Variants in LRRK2 observed in about 807,000 individuals in gnomAD.
The protein encoded by LRRK2 is leucine-rich repeat serine/threonine-protein kinase 2.
LRRK2 carries 203 observed loss-of-function variants against 302.6 expected under a neutral mutation model. The observed-to-expected ratio is 0.67, with a 90% CI of 0.60 to 0.75. The LOEUF is 0.75. LRRK2 is among the 30% of genes least tolerant of loss of function. The pLI is 0.00. For missense variants in LRRK2, 2,830 were observed against 2,951.0 expected, an observed-to-expected ratio of 0.96 and a Z score of 0.95; for synonymous variants, 1,066 against 1,031.9, an observed-to-expected ratio of 1.03 and a Z score of -0.63.
intron 14 of LRRK2, among the ~76,000 whole-genome samples, chr12:40,266,670 A>G (rs1333886867): frequency 2.0e-5 from 3 of 152,200 alleles, no homozygotes; most frequent in Non-Finnish European, 4.4e-5. Flanking sequence ...CCAAAGGATT[A>G]TAAATCATGC....
chr12:40,349,618 C>T (rs1429099371), intron 43 of LRRK2, among the ~76,000 whole-genome samples: 1 of 152,120 alleles, frequency 6.6e-6, no homozygotes, highest in Non-Finnish European at 1.5e-5. Flanking sequence ...ACCTCCTGGG[C>T]TCAAGTGATC....
intron 31 of LRRK2, 86 bp downstream of exon 31, chr12:40,310,735 A>C: frequency 2.9e-6 from 4 of 1,369,054 alleles, no homozygotes; most frequent in Non-Finnish European, 4.2e-6. Flanking sequence ...TGAGCAACTC[A>C]CTTAAAATTG....
chr12:40,235,650 T>A lies in LRRK2; in HGVS notation c.372T>A (p.Val124=). Residue 124 remains valine (V), a synonymous_variant, in exon 4 of 51, where the codon GTT becomes GTA. Transcript: ENST00000298910. ...VHQLILKMLT[V]HNASVNLSVI... ...GATTGATTCTTAAAATGCTAACAGTTCATAATGCCAGTGTAAACTTGTCAG... is the reference window on the plus strand; with the variant it reads ...GATTGATTCTTAAAATGCTAACAGTACATAATGCCAGTGTAAACTTGTCAG... 6.2e-7 allele frequency: 1 copy of A among 1,608,084 alleles called. No individual in the cohort carries two copies. The highest frequency in any genetic ancestry group is 8.5e-7 in the Non-Finnish European group (1 of 1,174,534).
In LRRK2 at chr12:40,270,861, A is replaced by G. The variant is rs568879416; in HGVS notation, c.1657-3722A>G. Among the ~76,000 whole-genome samples, 16 of 152,226 alleles carry G rather than the reference A, an allele frequency of 1.1e-4. 1 individual carries two copies. The highest frequency in any genetic ancestry group is 8.5e-4 in the Admixed American group (13 of 15,270). On this transcript the variant is annotated intron_variant, in intron 14 of 50. Transcript: ENST00000298910. ...AAAGATAGGTGCTTTATAAATACCAATTTGATATAATTTTGGCATGAAAAA... is the reference window on the plus strand; with the variant it reads ...AAAGATAGGTGCTTTATAAATACCAGTTTGATATAATTTTGGCATGAAAAA...
At chr12:40,240,848 T>A (rs1941689376) in intron 6 of LRRK2, among the ~76,000 whole-genome samples, 1 of 152,184 alleles carries the variant, frequency 6.6e-6, no homozygotes, top group Non-Finnish European at 1.5e-5. Flanking sequence ...CCTTACCTTT[T>A]CAGAGCTTGT....
intron 43 of LRRK2, among the ~76,000 whole-genome samples, chr12:40,350,343 C>A (rs7314455): frequency 0.77 from 116,879 of 152,172 alleles, 45,742 homozygotes; most frequent in Non-Finnish European, 0.86. Flanking sequence ...TTTAGGGGTC[C>A]ACTGACCTCT....
At chr12:40,309,987 T>C (rs1944981708) in intron 30 of LRRK2, among the ~76,000 whole-genome samples, 1 of 152,190 alleles carries the variant, frequency 6.6e-6, no homozygotes, top group South Asian at 2.1e-4. Flanking sequence ...GCTTTTATTC[T>C]TTCATTGTAG....
intron 42 of LRRK2, among the ~76,000 whole-genome samples, chr12:40,347,735 G>A (rs373931437): frequency 6.6e-6 from 1 of 152,204 alleles, no homozygotes; most frequent in South Asian, 2.1e-4. Context: ...GGCCCAGGCA[G>A]GCAGATCACT....
At chr12:40,230,520 C>G (rs1006544872) in intron 2 of LRRK2, among the ~76,000 whole-genome samples, 5 of 152,016 alleles carry the variant, frequency 3.3e-5, no homozygotes, top group African/African-American at 1.2e-4. Context: ...CTGGCTTAAG[C>G]TCTACCTCTT....
intron 8 of LRRK2, 38 bp downstream of exon 8, chr12:40,249,983 C>G: frequency 6.2e-7 from 1 of 1,609,226 alleles, no homozygotes; most frequent in Non-Finnish European, 8.5e-7. Context: ...CTTACAGAGG[C>G]ATTTGACATC....
intron 7 of LRRK2, 30 bp downstream of exon 7, chr12:40,243,711 C>T: frequency 1.3e-6 from 2 of 1,595,852 alleles, no homozygotes; most frequent in Non-Finnish European, 1.7e-6. Context: ...TGTCATCACA[C>T]ACTGTATGAT....
intron 5 of LRRK2, among the ~76,000 whole-genome samples, chr12:40,239,956 A>G (rs770465293): frequency 1.3e-5 from 2 of 152,172 alleles, no homozygotes; most frequent in Non-Finnish European, 2.9e-5. Context: ...AATGACTTTA[A>G]TTGTGAAAAT....
At chr12:40,299,046 T>C in intron 24 of LRRK2, 63 bp from the exon 25 acceptor site, 2 of 1,551,174 alleles carry the variant, frequency 1.3e-6, no homozygotes, top group South Asian at 2.3e-5. Flanking sequence ...TTGTTTTTGA[T>C]ATTTTTTCTT....
At chr12:40,285,024 T>C (rs900387270) in intron 19 of LRRK2, among the ~76,000 whole-genome samples, 2 of 152,118 alleles carry the variant, frequency 1.3e-5, no homozygotes, top group Non-Finnish European at 2.9e-5. Flanking sequence ...TTCCAACCGC[T>C]CAGTAGGCTC....
intron 18 of LRRK2, among the ~76,000 whole-genome samples, chr12:40,279,639 C>A (rs527531915): frequency 3.3e-5 from 5 of 152,350 alleles, no homozygotes; most frequent in Admixed American, 3.3e-4. Context: ...CCTGATACAA[C>A]TGTACTACAT....
intron 20 of LRRK2, among the ~76,000 whole-genome samples, chr12:40,292,743 A>T (rs1482473561): frequency 6.6e-6 from 1 of 151,934 alleles, no homozygotes; most frequent in Non-Finnish European, 1.5e-5. Flanking sequence ...TTTTTCTAAG[A>T]TAAAGAGTAG....
At chr12:40,230,883 C>T (rs1941147287) in intron 2 of LRRK2, among the ~76,000 whole-genome samples, 1 of 151,992 alleles carries the variant, frequency 6.6e-6, no homozygotes, top group South Asian at 2.1e-4. Context: ...TGAAGATATA[C>T]TTAAAATGCA....
chr12:40,244,928 C>T (rs1329009958), intron 7 of LRRK2, among the ~76,000 whole-genome samples: 24 of 149,200 alleles, frequency 1.6e-4, no homozygotes, highest in Non-Finnish European at 3.0e-5. Context: ...TGCAGGTTGA[C>T]TGAGCAAGGG....
intron 48 of LRRK2, among the ~76,000 whole-genome samples, chr12:40,363,935 A>G (rs1592350270): frequency 6.6e-6 from 1 of 151,954 alleles, no homozygotes; most frequent in African/African-American, 2.4e-5. Context: ...AAAGAGTCAC[A>G]AAATAATAGA....
Sources: gnomAD v4.1 joint callset for allele counts (sites outside exome capture counted in the v4.1 genomes callset) on GRCh38, gnomAD v4.1.1 for gene constraint, MANE v1.5 for transcripts, NCBI Gene and HGNC (gene_info 2026-07-23, HGNC 2026-07-21) for gene names.